COL20A1: variants seen among roughly 807,000 people sequenced by gnomAD.
COL20A1 encodes collagen type XX alpha 1 chain, also known as collagen alpha-1(XX) chain.
Under a neutral mutation model 152.9 loss-of-function variants are expected in COL20A1, and 164 were observed. The ratio of observed to expected loss-of-function variants is 1.07; its 90% CI spans 0.94 to 1.22. The LOEUF is 1.22. Among genes scored for constraint, COL20A1 ranks in the 50% most tolerant of loss-of-function variants. The pLI is 0.00. For synonymous variants in COL20A1, 864 were observed against 756.0 expected, an observed-to-expected ratio of 1.14 and a Z score of -2.34; for missense variants, 1,873 against 1,744.8, an observed-to-expected ratio of 1.07 and a Z score of -1.31.
chr20:63,322,247 G>C, intron 27 of COL20A1, 136 bp downstream of exon 27: 1 of 677,412 alleles, frequency 1.5e-6, no homozygotes, highest in Non-Finnish European at 2.3e-6. Flanking sequence ...TCCCCAAGCT[G>C]CAGACAGGCA....
intron 3 of COL20A1, among the ~76,000 whole-genome samples, chr20:63,304,194 T>C (rs2067894257): frequency 9.2e-6 from 1 of 108,854 alleles, no homozygotes; most frequent in African/African-American, 3.6e-5. Context: ...TGTGCATGTG[T>C]GGGTTCCTCC....
In COL20A1 at chr20:63,306,703, A is replaced by G. The variant is rs1279949232; in HGVS notation, c.496+664A>G. ...GTCTGCCCATAAGGCCCCCGTAGGC[A>G]GGGCTGGGCTTCCCCATAGAACTGG... On this transcript the variant is annotated intron_variant, in intron 5 of 35. Transcript: ENST00000358894. The surrounding 1 kb of genome is among the most constrained non-coding windows in gnomAD (Gnocchi z 6.9). 6.6e-6 allele frequency among the ~76,000 whole-genome samples: 1 copy of G among 152,184 alleles called. No individual in the cohort carries two copies. Among genetic ancestry groups the G allele is most frequent in the East Asian group, 1.9e-4 (1 of 5,198 alleles).
In COL20A1 at chr20:63,309,861, C is replaced by A. The variant is rs781346441; in HGVS notation, c.1209C>A (p.His403Gln). The stretch of plus-strand genomic sequence containing the variant: ...TGTCCTGGACTCCAGCCCCCCGGCA[C>A]CCCCTCAAGTATCTGATCGTTTGGC... ...IRLSWTPAPRHPLKYLIVWRA... is the reference protein window; with the variant it reads ...IRLSWTPAPRQPLKYLIVWRA... Residue 403 changes from histidine (H) to glutamine (Q), a missense_variant, in exon 10 of 36, where the codon CAC becomes CAA. His to Gln is a conservative substitution (Grantham distance 24). Coordinates refer to ENST00000358894, the MANE Select transcript of COL20A1 (RefSeq NM_020882.4). The A allele has an allele frequency of 6.2e-7, 1 of 1,611,700 alleles. No individual in the cohort carries two copies. The highest frequency in any genetic ancestry group is 8.5e-7 in the Non-Finnish European group (1 of 1,179,456).
chr20:63,297,339 G>A (rs751436155), intron 2 of COL20A1, among the ~76,000 whole-genome samples: 42 of 151,338 alleles, frequency 2.8e-4, no homozygotes, highest in Non-Finnish European at 5.2e-4. Flanking sequence ...TTAGCTCAGG[G>A]GACCCAGCCC....
chr20:63,309,308 A>T (rs2067971520), intron 8 of COL20A1, 25 bp from the exon 9 acceptor site: 2 of 1,433,986 alleles, frequency 1.4e-6, no homozygotes, highest in South Asian at 1.6e-5. Context: ...GTGCAGGCCA[A>T]CCCCACCTCC....
Position 63,313,145 on chromosome 20 carries a change from C to T in COL20A1, c.2105C>T (p.Ala702Val), listed in dbSNP as rs778000764. 6 of 1,611,402 alleles carry T rather than the reference C, an allele frequency of 3.7e-6. No individual in the cohort carries two copies. The highest frequency in any genetic ancestry group is 2.2e-5 in the East Asian group (1 of 44,830). Residue 702 changes from alanine to valine, a missense_variant, in exon 17 of 36, where the codon GCC (alanine) becomes GTC (valine). Coordinates refer to ENST00000358894, the MANE Select transcript of COL20A1 (RefSeq NM_020882.4). This position sits in a 1 kb window ranked among gnomAD's most constrained non-coding sequence, Gnocchi z 5.9. ...TCTGTCCCAGGGAACCTCGGCACGG[C>T]CGTCCTGCCTGGCCTAGGGAGGCAC... ...EISVPGNLGT[A>V]VLPGLGRHTE...
Position 63,315,434 on chromosome 20 carries a change from TC to T in COL20A1, c.2522del (p.Pro841GlnfsTer5). Reference sequence around the variant, plus strand: ...CCAGCCCTCCGCCCTGACGGCTCCCTCCCAGGTGGGTCCTGCATGCCCTCCC... The same window carrying T: ...CCAGCCCTCCGCCCTGACGGCTCCCTCCAGGTGGGTCCTGCATGCCCTCCC... ...ACPALRPDGS[L>X]PGFDLMVAFS... is the part of the protein sequence containing the mutation. On this transcript the variant is annotated frameshift_variant, in exon 20 of 36. Transcript: ENST00000358894. LOFTEE classifies it high-confidence loss of function. 6.3e-7 allele frequency: 1 copy of T among 1,577,398 alleles called. No homozygotes were observed. Among genetic ancestry groups the T allele is most frequent in the Non-Finnish European group, 8.6e-7 (1 of 1,166,666 alleles).
At position 63,310,374 on chromosome 20, in the gene COL20A1, G is replaced by A; in HGVS notation, c.1264-7G>A. 6.2e-7 allele frequency: 1 copy of A among 1,610,856 alleles called. No individual in the cohort carries two copies. The highest frequency in any genetic ancestry group is 1.3e-5 in the African/African-American group (1 of 74,990). ...TCCTGGCTCCGTCCTTGCCCACTCT[G>A]TTCCAGGTGGTGGTGGAGGGACCCG... On this transcript the variant is annotated splice_polypyrimidine_tract_variant and splice_region_variant and intron_variant, in intron 10 of 35. Coordinates refer to ENST00000358894, the MANE Select transcript of COL20A1 (RefSeq NM_020882.4).
chr20:63,331,120 A>T lies in COL20A1; in HGVS notation c.*404A>T, dbSNP rs1008875394. On this transcript the variant is annotated 3_prime_UTR_variant, in exon 36 of 36. Transcript: ENST00000358894. ...GTAGCTCTAAAACAGGCTCAACAAC[A>T]TGCCCCGCCCCTTTCTCTGGGCCTC... The T allele has an allele frequency of 6.6e-6, 1 of 152,128 alleles. No individual in the cohort carries two copies. The highest frequency in any genetic ancestry group is 2.4e-5 in the African/African-American group (1 of 41,382). The allele number at this position is 152,128 out of a possible 1,614,324, so 9.4% of individuals were successfully genotyped here.
At chr20:63,308,327 GCCCAGT>G (rs1391339675) in intron 7 of COL20A1, among the ~76,000 whole-genome samples, 1 of 152,230 alleles carries the variant, frequency 6.6e-6, no homozygotes, top group Admixed American at 6.5e-5. Context: ...TCCACACCCG[GCCCAGT>G]CTGGGTGCTC....
intron 1 of COL20A1, among the ~76,000 whole-genome samples, chr20:63,293,752 C>T (rs2067745417): frequency 6.6e-6 from 1 of 152,012 alleles, no homozygotes; most frequent in Non-Finnish European, 1.5e-5. Context: ...CCTGACTGCC[C>T]TTGGCCGGCC....
In COL20A1 at chr20:63,324,027, C is replaced by G. The variant is rs189314519; in HGVS notation, c.3295-1414C>G. 5.9e-3 allele frequency among the ~76,000 whole-genome samples: 893 copies of G among 152,350 alleles called. 13 individuals carry two copies. Among genetic ancestry groups the G allele is most frequent in the African/African-American group, 0.02 (843 of 41,572 alleles). ...TGTTCACAGGGCCTGTTGTGGCCCT[C>G]AGTACAGTGTGGGGATGGTCTCTTC... On this transcript the variant is annotated intron_variant, in intron 27 of 35. Transcript: ENST00000358894.
chr20:63,329,738 G>C (rs2068307492), intron 35 of COL20A1, 77 bp downstream of exon 35: 1 of 1,042,216 alleles, frequency 9.6e-7, no homozygotes, highest in Admixed American at 2.5e-5. Context: ...GGGCCAACGG[G>C]TGGGGCCTCA....
At chr20:63,328,554 T>TCCCCAG in intron 34 of COL20A1, 56 bp downstream of exon 34, 1 of 1,505,136 alleles carries the variant, frequency 6.6e-7, no homozygotes, top group Non-Finnish European at 9.0e-7. Flanking sequence ...GCGCCGGTTG[T>TCCCCAG]CCCCTGGTCC....
Position 63,310,516 on chromosome 20 carries a change from TG to T in COL20A1, c.1393+10del. 1 of 1,587,556 alleles carries T rather than the reference TG, an allele frequency of 6.3e-7. No individual in the cohort carries two copies. On this transcript the variant is annotated splice_region_variant and intron_variant, in intron 11 of 35. Transcript: ENST00000358894. ...GCGGGGCCTGGTGACCACAGGTAGG[TG>T]GGGCAGAGGCAGCGGCCAGGTTCTG...
rs2068352660 is a variant in COL20A1, at chr20:63,333,045, G to A, written c.*2329G>A. ...GTCCTTTTAGGAGCCCCCAGGGACT[G>A]AGCCGGGGCTCACGCTCCTGGCCAG... On this transcript the variant is annotated 3_prime_UTR_variant, in exon 36 of 36. Coordinates refer to ENST00000358894, the MANE Select transcript of COL20A1 (RefSeq NM_020882.4). The A allele has an allele frequency of 6.6e-6, 1 of 152,224 alleles. No homozygotes were observed. Among genetic ancestry groups the A allele is most frequent in the Non-Finnish European group, 1.5e-5 (1 of 68,058 alleles). 9.4% of individuals were successfully genotyped at this position (152,224 alleles called of 1,614,324 possible).
chr20:63,310,199 G>A (rs573144651), intron 10 of COL20A1, among the ~76,000 whole-genome samples, 182 bp from the exon 11 acceptor site: 9 of 152,210 alleles, frequency 5.9e-5, no homozygotes, highest in African/African-American at 1.9e-4. Context: ...TTGATCGATC[G>A]ATGGATAATT....
intron 26 of COL20A1, among the ~76,000 whole-genome samples, chr20:63,321,687 T>G (rs373357171): frequency 6.6e-6 from 1 of 152,140 alleles, no homozygotes; most frequent in Admixed American, 6.5e-5. Flanking sequence ...TGAGAGGTCC[T>G]TGGACCTGCC....
At position 63,311,591 on chromosome 20, in the gene COL20A1, G is replaced by A. The variant is rs1172856518; in HGVS notation, c.1540-34G>A. On this transcript the variant is annotated intron_variant, in intron 12 of 35. Coordinates refer to ENST00000358894, the MANE Select transcript of COL20A1 (RefSeq NM_020882.4). The surrounding 1 kb of genome is among the most constrained non-coding windows in gnomAD (Gnocchi z 4.4). ...GAGGCAGAGGAGTGGGGCAGAGCGA[G>A]TGGGGGCTGGCCTGGGACGTCATGT... is the stretch of plus-strand genomic sequence containing the variant. The A allele has an allele frequency of 3.1e-6, 5 of 1,610,564 alleles. No individual in the cohort carries two copies. The highest frequency in any genetic ancestry group is 1.7e-5 in the Admixed American group (1 of 59,958).
Sources: gnomAD v4.1 joint callset for allele counts (sites outside exome capture counted in the v4.1 genomes callset) on GRCh38, gnomAD v4.1.1 for gene constraint, Gnocchi (gnomAD v3.1) non-coding constraint, MANE v1.5 for transcripts, NCBI Gene and HGNC (gene_info 2026-07-23, HGNC 2026-07-21) for gene names.